JMJD1C: variants seen among roughly 807,000 people sequenced by gnomAD.
JMJD1C encodes jumonji domain-containing protein 1C.
In JMJD1C, 31 loss-of-function variants were observed where a neutral mutation model predicts 245.3. The observed-to-expected ratio is 0.13, with a 90% CI of 0.09 to 0.17. JMJD1C has a LOEUF of 0.17. Ranked by LOEUF, JMJD1C falls within the 10% of genes least tolerant of loss-of-function variation. The pLI is 1.00. For missense variants in JMJD1C, 2,691 were observed against 3,000.2 expected (o/e 0.90, Z 2.41); for synonymous variants, 1,057 against 1,017.4 (o/e 1.04, Z -0.74).
At chr10:63,381,940 G>A (rs1484428520) in intron 1 of JMJD1C, among the ~76,000 whole-genome samples, 1 of 152,158 alleles carries the variant, frequency 6.6e-6, no homozygotes, top group Non-Finnish European at 1.5e-5. Context: ...AGCCATACGC[G>A]ATGGCTCATG....
intron 2 of JMJD1C, among the ~76,000 whole-genome samples, chr10:63,269,630 A>G (rs1454708891): frequency 6.6e-6 from 1 of 152,198 alleles, no homozygotes; most frequent in Non-Finnish European, 1.5e-5. Flanking sequence ...AAACTTCAAA[A>G]TAAATCAATT....
chr10:63,207,377 T>A lies in JMJD1C; in HGVS notation c.4292A>T (p.Glu1431Val). 1 of 1,614,032 alleles carries A rather than the reference T, an allele frequency of 6.2e-7. No individual in the cohort carries two copies. The highest frequency in any genetic ancestry group is 8.5e-7 in the Non-Finnish European group (1 of 1,180,022). Residue 1431 changes from glutamate to valine, a missense_variant, in exon 10 of 26, where the codon GAA becomes GTA. Coordinates refer to ENST00000399262, the MANE Select transcript of JMJD1C (RefSeq NM_032776.3). ...ACTGACACTTTTTGAAGATACACAT[T>A]CTGATGATGTAGAGGCCAAAATGGT... ...SNTILASTSS[E>V]CVSSKSVSQP...
intron 1 of JMJD1C, among the ~76,000 whole-genome samples, chr10:63,416,451 A>G (rs1462275376): frequency 6.6e-6 from 1 of 152,042 alleles, no homozygotes; most frequent in Non-Finnish European, 1.5e-5. Context: ...TATTCTTAAT[A>G]TTTTAGAGAG....
At chr10:63,421,602 C>A (rs1950130864) in intron 1 of JMJD1C, among the ~76,000 whole-genome samples, 1 of 152,058 alleles carries the variant, frequency 6.6e-6, no homozygotes, top group Admixed American at 6.6e-5. Context: ...GCTCCTTCCC[C>A]CCAATTAATA....
chr10:63,377,158 G>C (rs570601997), intron 2 of JMJD1C, among the ~76,000 whole-genome samples: 1 of 144,534 alleles, frequency 6.9e-6, no homozygotes, highest in South Asian at 2.1e-4. Context: ...TCAGTGAAAT[G>C]AGCCCGTTAC....
At chr10:63,503,421 GA>G (rs528804398) in intron 1 of JMJD1C, among the ~76,000 whole-genome samples, 76 of 152,266 alleles carry the variant, frequency 5.0e-4, no homozygotes, top group African/African-American at 1.8e-3. Context: ...ATTAATAGTG[GA>G]AAAAACAATT....
intron 1 of JMJD1C, among the ~76,000 whole-genome samples, chr10:63,453,688 C>A (rs575415990): frequency 6.6e-6 from 1 of 152,094 alleles, no homozygotes; most frequent in East Asian, 1.9e-4. Context: ...TAGTTAAAAA[C>A]GGCAAGAGAC....
intron 3 of JMJD1C, among the ~76,000 whole-genome samples, chr10:63,234,741 T>C (rs940372891): frequency 6.9e-6 from 1 of 145,436 alleles, no homozygotes; most frequent in Non-Finnish European, 1.5e-5. Context: ...AAGACTAACC[T>C]AGGAAACATA....
At chr10:63,450,118 A>G (rs941968593) in intron 1 of JMJD1C, among the ~76,000 whole-genome samples, 5 of 152,192 alleles carry the variant, frequency 3.3e-5, no homozygotes, top group African/African-American at 9.7e-5. Flanking sequence ...GTCTCAAAAA[A>G]CAAAAAACAA....
rs760036423 is a variant in JMJD1C at position 63,184,711 on chromosome 10, T to G, written c.6858A>C (p.Pro2286=). ...CTTCTGGATTACAATATTCTGGCAA[T>G]GGCAGACTTTTTAAAAGATCTTCGT... ...ARYEDLLKSL[P]LPEYCNPEGK... The change falls in exon 21 of 26, where the codon CCA becomes CCC. Residue 2286 remains proline (P), a synonymous_variant. Coordinates refer to ENST00000399262, the MANE Select transcript of JMJD1C (RefSeq NM_032776.3). The G allele has an allele frequency of 8.7e-6, 14 of 1,609,924 alleles. No homozygotes were observed. The highest frequency in any genetic ancestry group is 1.1e-5 in the Non-Finnish European group (13 of 1,178,828).
rs567491061 is a variant in JMJD1C, at chr10:63,249,054, G to A, written c.447+15597C>T. Among the ~76,000 whole-genome samples, 43 of 152,186 alleles carry A rather than the reference G, an allele frequency of 2.8e-4. 1 individual carries two copies. Among genetic ancestry groups the A allele is most frequent in the Non-Finnish European group, 3.8e-4 (26 of 68,030 alleles). Reference sequence around the variant, plus strand: ...TGCTTGGCCAGGAGTGGTGGCTCACGCCTGTAATCCCAGCACTTTGGGAGG... The same window carrying A: ...TGCTTGGCCAGGAGTGGTGGCTCACACCTGTAATCCCAGCACTTTGGGAGG... On this transcript the variant is annotated intron_variant, in intron 3 of 25. Transcript: ENST00000399262.
chr10:63,277,260 G>A (rs1259658251), intron 2 of JMJD1C, among the ~76,000 whole-genome samples: 1 of 148,506 alleles, frequency 6.7e-6, no homozygotes, highest in African/African-American at 2.5e-5. Flanking sequence ...TCGCCTCCCC[G>A]AGTGCCAGGG....
chr10:63,521,120 T>A (rs1484241886), intron 1 of JMJD1C, among the ~76,000 whole-genome samples: 1 of 6 alleles, frequency 0.17, no homozygotes, highest in Non-Finnish European at 0.17. Flanking sequence ...TCGCCGCGAG[T>A]GTGGGCGTCC....
intron 2 of JMJD1C, among the ~76,000 whole-genome samples, chr10:63,332,522 A>C (rs1156996439): frequency 6.6e-5 from 10 of 152,246 alleles, no homozygotes; most frequent in Admixed American, 5.9e-4. Context: ...ATGGCAAAGA[A>C]GGCAGAGAAA....
chr10:63,177,610 A>T lies in JMJD1C; in HGVS notation c.7224+107T>A, dbSNP rs1189885293. On this transcript the variant is annotated intron_variant, in intron 23 of 25. Transcript: ENST00000399262. ...AAAAACTCCCATCTACTTTGAAGTA[A>T]AAATTATGTAATGGTCTTATATTGT... The T allele has an allele frequency of 3.3e-6, 4 of 1,207,540 alleles. No homozygotes were observed. The East Asian group carries it at 9.6e-5, about 29-fold the overall frequency. The allele number at this position is 1,207,540 out of a possible 1,614,324, so 74.8% of individuals were successfully genotyped here.
At chr10:63,259,032 A>G (rs536986862) in intron 3 of JMJD1C, among the ~76,000 whole-genome samples, 58 of 152,328 alleles carry the variant, frequency 3.8e-4, no homozygotes, top group African/African-American at 1.3e-3. Context: ...TTTTAAAACA[A>G]TCTAAAGTGA....
At chr10:63,354,857 C>CAAAAA (rs148651978) in intron 2 of JMJD1C, among the ~76,000 whole-genome samples, 1 of 94,934 alleles carries the variant, frequency 1.1e-5, no homozygotes, top group African/African-American at 3.7e-5. Flanking sequence ...TCTACTTTAA[C>CAAAAA]AAAAAAAAAA....
chr10:63,444,688 C>T (rs575491081), intron 1 of JMJD1C, among the ~76,000 whole-genome samples: 3 of 148,446 alleles, frequency 2.0e-5, no homozygotes, highest in Admixed American at 6.8e-5. Flanking sequence ...TGCAATAACA[C>T]GATCTCAGCT....
At chr10:63,454,285 A>T (rs568816382) in intron 1 of JMJD1C, among the ~76,000 whole-genome samples, 1 of 146,864 alleles carries the variant, frequency 6.8e-6, no homozygotes, top group South Asian at 2.1e-4. Flanking sequence ...TTTCAGACTG[A>T]GTCTCCCTCT....
Sources: gnomAD v4.1 joint callset for allele counts (sites outside exome capture counted in the v4.1 genomes callset) on GRCh38, gnomAD v4.1.1 for gene constraint, MANE v1.5 for transcripts, NCBI Gene and HGNC (gene_info 2026-07-23, HGNC 2026-07-21) for gene names.